The following SYNPR variants were observed in gnomAD, a reference collection of about 807,000 sequenced individuals.
SYNPR encodes synaptoporin.
A neutral mutation model predicts 32.9 loss-of-function variants in SYNPR; 23 were observed. The ratio of observed to expected loss-of-function variants is 0.70; its 90% CI spans 0.50 to 0.99. The LOEUF (loss-of-function observed/expected upper bound fraction) is 0.99, where lower values mean the gene tolerates loss of function less well. SYNPR is among the 50% of genes least tolerant of loss of function. The pLI, the probability that SYNPR is intolerant of heterozygous loss-of-function variation, is 0.00. For missense variants in SYNPR, 318 were observed against 349.3 expected, an observed-to-expected ratio of 0.91 and a Z score of 0.71; for synonymous variants, 146 against 135.9, an observed-to-expected ratio of 1.07 and a Z score of -0.52.
intron 2 of SYNPR, among the ~76,000 whole-genome samples, chr3:63,319,217 A>T (rs1396161550): frequency 6.6e-6 from 1 of 152,078 alleles, no homozygotes; most frequent in African/African-American, 2.4e-5. Flanking sequence ...GTACCTTGTC[A>T]ACAATGAGTT....
At chr3:63,316,890 G>A (rs1355914631) in intron 2 of SYNPR, among the ~76,000 whole-genome samples, 1 of 151,794 alleles carries the variant, frequency 6.6e-6, no homozygotes, top group Non-Finnish European at 1.5e-5. Flanking sequence ...TTCACTCTTA[G>A]CACTACCTTT....
At chr3:63,403,441 TAC>T (rs10559096) in intron 2 of SYNPR, among the ~76,000 whole-genome samples, 12,623 of 145,682 alleles carry the variant, frequency 0.087, 1,410 homozygotes, top group African/African-American at 0.26. Context: ...TGTATACACA[TAC>T]ACACACACAC....
intron 2 of SYNPR, among the ~76,000 whole-genome samples, chr3:63,416,892 C>T (rs539135840): frequency 7.9e-5 from 12 of 152,246 alleles, no homozygotes; most frequent in South Asian, 2.1e-4. Context: ...CCACAACACA[C>T]GGAAATTCAA....
At chr3:63,522,488 T>A (rs1203923968) in intron 3 of SYNPR, among the ~76,000 whole-genome samples, 2 of 152,242 alleles carry the variant, frequency 1.3e-5, no homozygotes, top group Admixed American at 6.5e-5. Context: ...AACTACATCA[T>A]ATAATGATTG....
rs542729304 is a variant in SYNPR, at chr3:63,558,042, G to C, written c.408+1301G>C. Among the ~76,000 whole-genome samples, 24 of 152,276 alleles carry C rather than the reference G, an allele frequency of 1.6e-4. 1 individual carries two copies. Among genetic ancestry groups the C allele is most frequent in the African/African-American group, 5.3e-4 (22 of 41,562 alleles). ...CATTAGTTCTCATAAGACTGTATTA[G>C]TTCTTGTGAGAGCAGGTTGTTATAA... On this transcript the variant is annotated intron_variant, in intron 4 of 5. Transcript: ENST00000478300.
chr3:63,352,020 G>A (rs936016111), intron 2 of SYNPR, among the ~76,000 whole-genome samples: 14 of 152,202 alleles, frequency 9.2e-5, no homozygotes, highest in East Asian at 5.8e-4. Context: ...CTGGGGAGCC[G>A]ACCTGAAGGA....
chr3:63,360,404 A>G (rs1453196117), intron 2 of SYNPR, among the ~76,000 whole-genome samples: 2 of 152,200 alleles, frequency 1.3e-5, no homozygotes, highest in African/African-American at 2.4e-5. Flanking sequence ...TGTTTCAACC[A>G]TTGTTCCTGT....
chr3:63,530,304 G>A (rs543693410), intron 3 of SYNPR, among the ~76,000 whole-genome samples: 9 of 152,222 alleles, frequency 5.9e-5, no homozygotes, highest in South Asian at 2.1e-4. Flanking sequence ...AGTCATGGCC[G>A]GCTGTGTTAG....
intron 4 of SYNPR, among the ~76,000 whole-genome samples, chr3:63,605,760 G>C (rs560863322): frequency 6.6e-6 from 1 of 152,216 alleles, no homozygotes; most frequent in African/African-American, 2.4e-5. Flanking sequence ...TTTGAAGAAA[G>C]AAAGAAGAAG....
intron 2 of SYNPR, among the ~76,000 whole-genome samples, chr3:63,403,635 A>G (rs2088322494): frequency 6.6e-6 from 1 of 152,150 alleles, no homozygotes. Flanking sequence ...GAGCTGAAAC[A>G]CGAAATTGGA....
At chr3:63,344,026 G>A (rs1214160941) in intron 2 of SYNPR, among the ~76,000 whole-genome samples, 1 of 152,194 alleles carries the variant, frequency 6.6e-6, no homozygotes, top group Admixed American at 6.5e-5. Context: ...TCTCAGCCTC[G>A]CTCATATGCT....
At chr3:63,531,223 C>A (rs1341307162) in intron 3 of SYNPR, among the ~76,000 whole-genome samples, 2 of 152,132 alleles carry the variant, frequency 1.3e-5, no homozygotes, top group African/African-American at 4.8e-5. Context: ...CATAACAAAG[C>A]ATCACAAACT....
At chr3:63,490,245 C>A (rs547307846) in intron 3 of SYNPR, among the ~76,000 whole-genome samples, 1 of 152,048 alleles carries the variant, frequency 6.6e-6, no homozygotes, top group African/African-American at 2.4e-5. Context: ...AGCAAAGAAA[C>A]CAGTTTTGCT....
chr3:63,283,810 CTTTTTTTTT>C (rs142282438), intron 2 of SYNPR, among the ~76,000 whole-genome samples: 3 of 87,136 alleles, frequency 3.4e-5, no homozygotes, highest in East Asian at 3.3e-4. Flanking sequence ...AGATAATTAC[CTTTTTTTTT>C]TTTTTTTTTT....
upstream of SYNPR, among the ~76,000 whole-genome samples, chr3:63,273,912 C>T (rs113397544): frequency 8.5e-3 from 1,288 of 152,252 alleles, 11 homozygotes; most frequent in African/African-American, 0.021. Context: ...CTTATTCTAA[C>T]ATTAGAGTTT....
intron 3 of SYNPR, among the ~76,000 whole-genome samples, chr3:63,482,539 G>A (rs1194126805): frequency 2.6e-5 from 4 of 152,098 alleles, no homozygotes; most frequent in Non-Finnish European, 5.9e-5. Flanking sequence ...GCCCCTGTAA[G>A]ATCTCCTGGG....
intron 3 of SYNPR, among the ~76,000 whole-genome samples, chr3:63,526,457 T>C (rs923340513): frequency 8.5e-5 from 13 of 152,220 alleles, no homozygotes; most frequent in Non-Finnish European, 1.5e-4. Context: ...ATATCCTCAG[T>C]ACTTAGCCCA....
At chr3:63,202,248 T>A in the SYNPR span, among the ~76,000 whole-genome samples, 2 of 152,208 alleles carry the variant, frequency 1.3e-5, no homozygotes, top group African/African-American at 4.8e-5. Flanking sequence ...ACATTCTCTG[T>A]ATTGGTGATA....
Position 63,375,714 on chromosome 3 carries a change from TATAATA to T in SYNPR, c.84+96990_84+96995del, listed in dbSNP as rs368120344. Among the ~76,000 whole-genome samples, 24 of 151,190 alleles carry T rather than the reference TATAATA, an allele frequency of 1.6e-4. 1 individual carries two copies. The South Asian group carries it at 3.8e-3, about 24-fold the overall frequency. On this transcript the variant is annotated intron_variant, in intron 2 of 5. Transcript: ENST00000478300. Reference sequence around the variant, plus strand: ...TGCATATGTACCCTAGAACTTAAAGTATAATAATAATAATAATAATAATTAGTATAG... The same window carrying T: ...TGCATATGTACCCTAGAACTTAAAGTATAATAATAATAATAATTAGTATAG...
Sources: allele counts gnomAD v4.1 joint callset (sites outside exome capture counted in the v4.1 genomes callset), GRCh38; gene constraint gnomAD v4.1.1; transcripts MANE v1.5; gene names NCBI Gene and HGNC (gene_info 2026-07-23, HGNC 2026-07-21).